NUP155: variants seen among roughly 807,000 people sequenced by gnomAD.
The protein encoded by NUP155 is nuclear pore complex protein Nup155.
NUP155 carries 71 observed loss-of-function variants against 180.4 expected under a neutral mutation model. The ratio of observed to expected loss-of-function variants is 0.39; its 90% CI spans 0.33 to 0.48. The LOEUF (loss-of-function observed/expected upper bound fraction) is 0.48. NUP155 is among the 20% of genes least tolerant of loss of function. NUP155 has a pLI of 0.91. For synonymous variants in NUP155, 582 were observed against 559.5 expected (o/e 1.04, Z -0.57); for missense variants, 1,553 against 1,648.9 (o/e 0.94, Z 1.01).
At chr5:37,334,126 G>A (rs1328729693) in intron 12 of NUP155, among the ~76,000 whole-genome samples, 1 of 150,140 alleles carries the variant, frequency 6.7e-6, no homozygotes, top group South Asian at 2.1e-4. Flanking sequence ...TTTTGAGACA[G>A]CATCTTACTC....
At chr5:37,322,968 C>T (rs1190801114) in intron 20 of NUP155, among the ~76,000 whole-genome samples, 5 of 148,302 alleles carry the variant, frequency 3.4e-5, no homozygotes, top group African/African-American at 7.6e-5. Context: ...AGCGAAACTC[C>T]GTCTCAAAAA....
intron 24 of NUP155, among the ~76,000 whole-genome samples, chr5:37,307,961 A>G (rs1030342471): frequency 8.7e-5 from 13 of 148,950 alleles, no homozygotes; most frequent in Non-Finnish European, 1.5e-4. Context: ...AAATATATAT[A>G]TATATATATT....
Position 37,358,155 on chromosome 5 carries a change from T to C in NUP155, c.393-4A>G, listed in dbSNP as rs1323974552. 1.2e-6 allele frequency: 2 copies of C among 1,606,126 alleles called. No individual in the cohort carries two copies. The highest frequency in any genetic ancestry group is 1.7e-5 in the Admixed American group (1 of 59,946). On this transcript the variant is annotated splice_polypyrimidine_tract_variant and splice_region_variant and intron_variant, in intron 3 of 34. Transcript: ENST00000231498. The stretch of plus-strand genomic sequence containing the variant: ...ATCAAAATAGGCAAGGTCTCCTCTG[T>C]GAATAAATGAAGAAAAACATGTTAC...
chr5:37,363,294 T>C (rs1184264903), intron 3 of NUP155, among the ~76,000 whole-genome samples: 11 of 152,176 alleles, frequency 7.2e-5, no homozygotes. Context: ...CTTAATTATA[T>C]GGGCTTTCCT....
In NUP155 at chr5:37,298,867, C is replaced by T; in HGVS notation, c.3793+1G>A. 1 of 1,552,862 alleles carries T rather than the reference C, an allele frequency of 6.4e-7. No homozygotes were observed. The highest frequency in any genetic ancestry group is 8.9e-7 in the Non-Finnish European group (1 of 1,124,502). The stretch of plus-strand genomic sequence containing the variant: ...TGACTGCACCTAAGATCACAGCTTA[C>T]CTAAAGGAAAGAAGCGTGGTGTGCC... On this transcript the variant is annotated splice_donor_variant, in intron 32 of 34. Coordinates refer to ENST00000231498, the MANE Select transcript of NUP155 (RefSeq NM_153485.3). LOFTEE classifies it high-confidence loss of function.
chr5:37,316,729 TGCTGG>T (rs1743909726), intron 21 of NUP155, among the ~76,000 whole-genome samples: 1 of 151,680 alleles, frequency 6.6e-6, no homozygotes, highest in African/African-American at 2.4e-5. Context: ...CCTCCCAAAG[TGCTGG>T]GATTACAGGT....
intron 20 of NUP155, among the ~76,000 whole-genome samples, chr5:37,319,678 C>T (rs1211191292): frequency 6.6e-6 from 1 of 151,994 alleles, no homozygotes; most frequent in Non-Finnish European, 1.5e-5. Flanking sequence ...TCAACGTGGG[C>T]AAAACAGTGA....
chr5:37,324,500 T>C (rs917938542), intron 19 of NUP155, among the ~76,000 whole-genome samples: 9 of 152,028 alleles, frequency 5.9e-5, no homozygotes, highest in African/African-American at 1.9e-4. Context: ...TAGACTTCCA[T>C]ATATATATAT....
At chr5:37,304,913 C>A (rs935226056) in intron 26 of NUP155, 70 bp from the exon 27 acceptor site, 3 of 1,502,294 alleles carry the variant, frequency 2.0e-6, no homozygotes, top group Admixed American at 1.7e-5. Context: ...CCCTTTAGCC[C>A]TATAAACTCC....
intron 32 of NUP155, among the ~76,000 whole-genome samples, chr5:37,294,765 T>C (rs1166171985): frequency 6.6e-6 from 1 of 152,146 alleles, no homozygotes; most frequent in Non-Finnish European, 1.5e-5. Flanking sequence ...AAAAAAAGTT[T>C]TTTTTAAATA....
chr5:37,348,020 A>G (rs217778), intron 9 of NUP155, among the ~76,000 whole-genome samples: 51,100 of 151,944 alleles, frequency 0.34, 13,819 homozygotes, highest in African/African-American at 0.76. Context: ...CGTAATCCCA[A>G]CTACTCGGGA....
At chr5:37,363,315 C>T (rs1252749588) in intron 3 of NUP155, among the ~76,000 whole-genome samples, 1 of 152,142 alleles carries the variant, frequency 6.6e-6, no homozygotes, top group East Asian at 1.9e-4. Flanking sequence ...ATGTTTATCC[C>T]ACACCTCATC....
Position 37,303,251 on chromosome 5 carries a change from A to G in NUP155, c.3317+9T>C, listed in dbSNP as rs377347663. The G allele has an allele frequency of 3.7e-6, 6 of 1,613,702 alleles. No individual in the cohort carries two copies. In the African/African-American group the frequency reaches 8.0e-5, roughly 22 times the overall value. On this transcript the variant is annotated intron_variant, in intron 28 of 34. Coordinates refer to ENST00000231498, the MANE Select transcript of NUP155 (RefSeq NM_153485.3). ...AATCATTCTTCACAATAAGAATATT[A>G]TGCCATACCTATGCATGTCAGCCAG... is the stretch of plus-strand genomic sequence containing the variant.
In NUP155 at chr5:37,318,003, GC is replaced by G; in HGVS notation, c.2289del (p.Gln764ArgfsTer9). Reference sequence around the variant, plus strand: ...AATAATTTACCATGAAACTTCCTCTGCAGTTCCTGTTGCATTTGCTGGGGAT... The same window carrying G: ...AATAATTTACCATGAAACTTCCTCTGAGTTCCTGTTGCATTTGCTGGGGAT... ...NGNPQQMQQELQRKFHEAQLS... is the reference protein window; with the variant it reads ...NGNPQQMQQEXQRKFHEAQLS... On this transcript the variant is annotated frameshift_variant, in exon 21 of 35. Transcript: ENST00000231498. LOFTEE classifies it high-confidence loss of function. 2.5e-6 allele frequency: 4 copies of G among 1,600,290 alleles called. No homozygotes were observed. The highest frequency in any genetic ancestry group is 3.4e-6 in the Non-Finnish European group (4 of 1,167,370).
chr5:37,349,112 GTCTT>G, intron 8 of NUP155, 56 bp downstream of exon 8: 1 of 403,182 alleles, frequency 2.5e-6, no homozygotes, highest in Non-Finnish European at 4.5e-6. Context: ...GGTGGGAATT[GTCTT>G]CCTTAAAAAT....
intron 3 of NUP155, among the ~76,000 whole-genome samples, chr5:37,363,570 T>C (rs1747354476): frequency 6.6e-6 from 1 of 152,164 alleles, no homozygotes; most frequent in South Asian, 2.1e-4. Flanking sequence ...TGTCCAATCA[T>C]CTCTCAATGA....
At chr5:37,296,005 G>C (rs1199804488) in intron 32 of NUP155, among the ~76,000 whole-genome samples, 5 of 139,282 alleles carry the variant, frequency 3.6e-5, no homozygotes, top group Admixed American at 2.1e-4. Context: ...AGGGAGGAGG[G>C]GGGGGTCAGC....
chr5:37,352,545 C>A (rs1380543802), intron 5 of NUP155, among the ~76,000 whole-genome samples, 192 bp downstream of exon 5: 1 of 151,708 alleles, frequency 6.6e-6, no homozygotes, highest in Non-Finnish European at 1.5e-5. Flanking sequence ...TCTCAAAAAA[C>A]AAAACAAAAC....
At chr5:37,339,640 T>A (rs1745581645) in intron 11 of NUP155, among the ~76,000 whole-genome samples, 1 of 152,106 alleles carries the variant, frequency 6.6e-6, no homozygotes, top group African/African-American at 2.4e-5. Context: ...CACCCTCAAA[T>A]GACTTGGAAA....
Sources: gnomAD v4.1 joint callset for allele counts (sites outside exome capture counted in the v4.1 genomes callset) on GRCh38, gnomAD v4.1.1 for gene constraint, MANE v1.5 for transcripts, NCBI Gene and HGNC (gene_info 2026-07-23, HGNC 2026-07-21) for gene names.